SLC41A1: variants seen among roughly 807,000 people sequenced by gnomAD.
SLC41A1 encodes solute carrier family 41 (magnesium transporter), member 1.
Under a neutral mutation model 47.3 loss-of-function variants are expected in SLC41A1, and 20 were observed. That is an observed-to-expected ratio of 0.42 (90% CI 0.30 to 0.61). The LOEUF (loss-of-function observed/expected upper bound fraction) is 0.61, where lower values mean the gene tolerates loss of function less well. Among genes scored for constraint, SLC41A1 ranks in the 20% least tolerant of loss-of-function variants. SLC41A1 has a pLI of 0.17. For missense variants in SLC41A1, 504 were observed against 674.1 expected, an observed-to-expected ratio of 0.75 and a Z score of 2.79; for synonymous variants, 282 against 272.7, an observed-to-expected ratio of 1.03 and a Z score of -0.34.
chr1:205,795,249 C>A (rs1479071112), intron 9 of SLC41A1, 95 bp downstream of exon 9: 6 of 1,582,384 alleles, frequency 3.8e-6, no homozygotes, highest in Non-Finnish European at 5.2e-6. Context: ...AGAAGGAGAA[C>A]CTGTGGATCT....
intron 2 of SLC41A1, among the ~76,000 whole-genome samples, chr1:205,804,263 C>A (rs1489535952): frequency 6.6e-6 from 1 of 152,098 alleles, no homozygotes; most frequent in East Asian, 1.9e-4. Context: ...CGGAGCTCTC[C>A]CTGTGTGAAT....
At chr1:205,803,910 C>T (rs1028074629) in intron 2 of SLC41A1, among the ~76,000 whole-genome samples, 24 of 152,056 alleles carry the variant, frequency 1.6e-4, no homozygotes, top group African/African-American at 4.6e-4. Context: ...TATGAGGCAC[C>T]GAGCCCAGCC....
intron 2 of SLC41A1, among the ~76,000 whole-genome samples, chr1:205,803,474 T>C (rs530800637): frequency 6.6e-6 from 1 of 152,148 alleles, no homozygotes; most frequent in East Asian, 1.9e-4. Context: ...GGTACATATA[T>C]ACCATGGAAT....
At chr1:205,806,454 C>T (rs1656016353) in intron 2 of SLC41A1, among the ~76,000 whole-genome samples, 1 of 152,226 alleles carries the variant, frequency 6.6e-6, no homozygotes, top group South Asian at 2.1e-4. Flanking sequence ...CCTGTCTTAA[C>T]CTAGCTGGGA....
At chr1:205,795,895 C>T (rs983508454) in intron 8 of SLC41A1, 2 of 327,046 alleles carry the variant, frequency 6.1e-6, no homozygotes, top group South Asian at 2.8e-5. Flanking sequence ...CTCTCCAATG[C>T]TCTGAGCAGA....
chr1:205,796,733 A>G (rs1429685905), intron 8 of SLC41A1, 191 bp downstream of exon 8: 3 of 632,242 alleles, frequency 4.7e-6, no homozygotes, highest in Non-Finnish European at 8.4e-6. Flanking sequence ...GTGCCTCAAC[A>G]TCCCTTATCT....
Position 205,791,820 on chromosome 1 carries a change from G to T in SLC41A1, c.1357-102C>A. ...TTCAGTGCATCACAGGGCTTGGCTG[G>T]CCATAATCCTTACTTTTTAATCTTC... is the stretch of plus-strand genomic sequence containing the variant. On this transcript the variant is annotated intron_variant, in intron 10 of 10. Coordinates refer to ENST00000367137, the MANE Select transcript of SLC41A1 (RefSeq NM_173854.6). The surrounding 1 kb of genome is among the most constrained non-coding windows in gnomAD (Gnocchi z 4.0). 3 of 1,420,538 alleles carry T rather than the reference G, an allele frequency of 2.1e-6. No homozygotes were observed. Among genetic ancestry groups the T allele is most frequent in the South Asian group, 1.2e-5 (1 of 81,122 alleles). 88.0% of individuals were successfully genotyped at this position (1,420,538 alleles called of 1,614,324 possible).
At chr1:205,805,656 C>T (rs1446747838) in intron 2 of SLC41A1, among the ~76,000 whole-genome samples, 2 of 152,226 alleles carry the variant, frequency 1.3e-5, no homozygotes, top group African/African-American at 4.8e-5. Flanking sequence ...CTCTTTCCTT[C>T]TCTAACCTTG....
intron 2 of SLC41A1, among the ~76,000 whole-genome samples, chr1:205,809,173 G>A (rs760947760): frequency 5.3e-5 from 8 of 152,186 alleles, no homozygotes; most frequent in Non-Finnish European, 1.2e-4. Context: ...AAAGTTTGGT[G>A]TGCCACACTG....
intron 4 of SLC41A1, 69 bp downstream of exon 4, chr1:205,799,690 C>T: frequency 6.5e-7 from 1 of 1,543,094 alleles, no homozygotes; most frequent in East Asian, 2.3e-5. Context: ...CTGGGGCTGA[C>T]CTAAGCCTTT....
Position 205,791,365 on chromosome 1 carries a change from C to A in SLC41A1, c.*168G>T. ...CTGTGTTTCCCAAATTCTTGCTATACAAACTTGGCTCAATGTATAAAAATT... is the reference window on the plus strand; with the variant it reads ...CTGTGTTTCCCAAATTCTTGCTATAAAAACTTGGCTCAATGTATAAAAATT... On this transcript the variant is annotated 3_prime_UTR_variant, in exon 11 of 11. Transcript: ENST00000367137. This position sits in a 1 kb window ranked among gnomAD's most constrained non-coding sequence, Gnocchi z 4.0. 1 of 839,658 alleles carries A rather than the reference C, an allele frequency of 1.2e-6. No individual in the cohort carries two copies. 52.0% of individuals were successfully genotyped at this position (839,658 alleles called of 1,614,324 possible).
chr1:205,799,874 G>C (rs751764393), intron 3 of SLC41A1, 44 bp from the exon 4 acceptor site: 1 of 1,559,016 alleles, frequency 6.4e-7, no homozygotes, highest in Non-Finnish European at 8.8e-7. Context: ...GGCTGGAAAA[G>C]GCCTGAAGCT....
At chr1:205,802,810 A>G (rs1655921223) in intron 2 of SLC41A1, among the ~76,000 whole-genome samples, 3 of 151,884 alleles carry the variant, frequency 2.0e-5, no homozygotes, top group Admixed American at 6.6e-5. Flanking sequence ...TTAGTAAGAG[A>G]TCACCTCACA....
At chr1:205,805,022 G>C (rs1655982064) in intron 2 of SLC41A1, among the ~76,000 whole-genome samples, 1 of 152,076 alleles carries the variant, frequency 6.6e-6, no homozygotes. Flanking sequence ...CTACCTCCCA[G>C]CACAATGCAC....
At chr1:205,800,462 C>T (rs565578212) in intron 3 of SLC41A1, among the ~76,000 whole-genome samples, 14 of 152,284 alleles carry the variant, frequency 9.2e-5, no homozygotes, top group Middle Eastern at 3.4e-3. Flanking sequence ...GTAGGAATGA[C>T]GAGCAGCTCC....
intron 8 of SLC41A1, 75 bp downstream of exon 8, chr1:205,796,849 A>G (rs1250678016): frequency 1.4e-6 from 2 of 1,462,726 alleles, no homozygotes; most frequent in African/African-American, 2.8e-5. Flanking sequence ...ACAGAAACCA[A>G]CCCCTTAAGT....
chr1:205,798,817 TG>T lies in SLC41A1; in HGVS notation c.698-3del. The T allele has an allele frequency of 5.0e-6, 8 of 1,614,072 alleles. No homozygotes were observed. The highest frequency in any genetic ancestry group is 6.8e-6 in the Non-Finnish European group (8 of 1,180,004). The stretch of plus-strand genomic sequence containing the variant: ...TGATGACTCCAATCATGATCATACC[TG>T]GTGAGCAAGTGGGAGGAGGGGCAGG... On this transcript the variant is annotated splice_region_variant and splice_polypyrimidine_tract_variant and intron_variant, in intron 5 of 10. Transcript: ENST00000367137.
intron 3 of SLC41A1, among the ~76,000 whole-genome samples, chr1:205,800,692 G>A (rs1253813267): frequency 2.6e-5 from 4 of 152,170 alleles, no homozygotes; most frequent in African/African-American, 9.7e-5. Context: ...GAGAGGTAGG[G>A]GGTGGGGCAG....
chr1:205,792,734 G>A (rs1333563933), intron 10 of SLC41A1, among the ~76,000 whole-genome samples: 4 of 152,202 alleles, frequency 2.6e-5, no homozygotes, highest in Non-Finnish European at 5.9e-5. Context: ...CTGCATCTGC[G>A]TGAGAATGAA....
Sources: allele counts gnomAD v4.1 joint callset (sites outside exome capture counted in the v4.1 genomes callset), GRCh38; gene constraint gnomAD v4.1.1; non-coding constraint Gnocchi (gnomAD v3.1); transcripts MANE v1.5; gene names NCBI Gene and HGNC (gene_info 2026-07-23, HGNC 2026-07-21).